Variants in MACROD2 observed in about 807,000 individuals in gnomAD.
The protein encoded by MACROD2 is mono-ADP ribosylhydrolase 2.
In MACROD2, 36 loss-of-function variants were observed where a neutral mutation model predicts 70.4. That is an observed-to-expected ratio of 0.51 (90% confidence interval 0.39 to 0.68). MACROD2 has a LOEUF of 0.68. Among genes scored for constraint, MACROD2 ranks in the 30% least tolerant of loss-of-function variants. MACROD2 has a pLI of 0.00. For synonymous variants in MACROD2, 172 were observed against 178.8 expected, an observed-to-expected ratio of 0.96 and a Z score of 0.30; for missense variants, 496 against 538.4, an observed-to-expected ratio of 0.92 and a Z score of 0.78.
At chr20:14,072,657 C>T (rs1476943766) in intron 2 of MACROD2, among the ~76,000 whole-genome samples, 2 of 152,030 alleles carry the variant, frequency 1.3e-5, no homozygotes, top group African/African-American at 4.8e-5. Flanking sequence ...GTAGATTGGC[C>T]AGGCGCAGTG....
chr20:14,783,301 C>A (rs563054441), intron 5 of MACROD2, among the ~76,000 whole-genome samples: 1 of 152,206 alleles, frequency 6.6e-6, no homozygotes, highest in South Asian at 2.1e-4. Context: ...TCAATTGCTG[C>A]CTTTCTCTTA....
intron 8 of MACROD2, among the ~76,000 whole-genome samples, chr20:15,601,781 C>A (rs1027739659): frequency 1.3e-5 from 2 of 152,286 alleles, no homozygotes; most frequent in African/African-American, 4.8e-5. Flanking sequence ...GTAATCTCAG[C>A]ACTTTGGGAG....
intron 8 of MACROD2, among the ~76,000 whole-genome samples, chr20:15,782,162 T>C (rs2147040078): frequency 6.6e-6 from 1 of 152,106 alleles, no homozygotes; most frequent in Admixed American, 6.5e-5. Context: ...GTGTTAGAGA[T>C]GAAGAAAAGA....
chr20:15,919,316 A>C (rs1185981452), intron 10 of MACROD2, among the ~76,000 whole-genome samples: 1 of 152,242 alleles, frequency 6.6e-6, no homozygotes, highest in East Asian at 1.9e-4. Context: ...GAGAGGAAAC[A>C]GATGTTCCTA....
At chr20:15,354,258 C>A (rs1376649640) in intron 6 of MACROD2, among the ~76,000 whole-genome samples, 1 of 151,976 alleles carries the variant, frequency 6.6e-6, no homozygotes, top group Non-Finnish European at 1.5e-5. Context: ...GGACAAAAAA[C>A]CAAACACCAC....
chr20:15,424,671 G>T (rs1357845961), intron 6 of MACROD2, among the ~76,000 whole-genome samples: 3 of 152,034 alleles, frequency 2.0e-5, no homozygotes, highest in African/African-American at 7.3e-5. Context: ...AGTATGATAG[G>T]ACTGCACCAC....
chr20:14,841,053 A>C (rs1431973336), intron 5 of MACROD2, among the ~76,000 whole-genome samples: 1 of 152,170 alleles, frequency 6.6e-6, no homozygotes, highest in Non-Finnish European at 1.5e-5. Context: ...GTAAAAAATA[A>C]CATATTTTAA....
At chr20:14,466,424 T>G (rs915619092) in intron 3 of MACROD2, among the ~76,000 whole-genome samples, 4 of 152,130 alleles carry the variant, frequency 2.6e-5, no homozygotes, top group African/African-American at 9.7e-5. Context: ...TTATTCTAGT[T>G]ATCCATTCGT....
intron 5 of MACROD2, among the ~76,000 whole-genome samples, chr20:14,739,385 C>T (rs967425905): frequency 4.6e-5 from 7 of 151,850 alleles, no homozygotes; most frequent in African/African-American, 1.7e-4. Flanking sequence ...TATTCATCTT[C>T]ACCTATATAC....
At chr20:15,877,991 A>G (rs12624950) in intron 9 of MACROD2, among the ~76,000 whole-genome samples, 2,268 of 152,132 alleles carry the variant, frequency 0.015, 39 homozygotes, top group African/African-American at 0.038. Flanking sequence ...AGGATGCCGT[A>G]ATAGCTCATA....
At chr20:14,176,161 C>G (rs1287743951) in intron 3 of MACROD2, among the ~76,000 whole-genome samples, 2 of 152,094 alleles carry the variant, frequency 1.3e-5, no homozygotes, top group Non-Finnish European at 2.9e-5. Flanking sequence ...TATTTTTCTT[C>G]CTGGTTTATT....
chr20:15,603,462 T>G lies in MACROD2; in HGVS notation c.645+103615T>G, dbSNP rs2048851205. Among the ~76,000 whole-genome samples the G allele has an allele frequency of 3.3e-5, 5 of 149,734 alleles. No individual in the cohort carries two copies. In the Admixed American group the frequency reaches 3.3e-4, roughly 10 times the overall value. On this transcript the variant is annotated intron_variant, in intron 8 of 17. Coordinates refer to ENST00000684519, the MANE Select transcript of MACROD2 (RefSeq NM_001351661.2). ...GGTGGAGGCTGCAGTGAGCCAAGAT[T>G]GTGCCACTTCACTCTAGCCTGGGTG...
At chr20:15,301,509 T>A (rs2077642116) in intron 6 of MACROD2, among the ~76,000 whole-genome samples, 1 of 152,070 alleles carries the variant, frequency 6.6e-6, no homozygotes, top group Non-Finnish European at 1.5e-5. Context: ...TTCCTTTGGT[T>A]TCTTGAATTT....
chr20:14,695,482 G>T (rs1470921977), intron 5 of MACROD2, among the ~76,000 whole-genome samples: 1 of 152,132 alleles, frequency 6.6e-6, no homozygotes, highest in South Asian at 2.1e-4. Flanking sequence ...TAAGTTCCAG[G>T]TATCAGGACA....
intron 3 of MACROD2, among the ~76,000 whole-genome samples, chr20:14,143,033 CTT>C (rs376418591): frequency 3.2e-3 from 489 of 152,206 alleles, no homozygotes; most frequent in East Asian, 0.011. Flanking sequence ...ATTAAGAAAA[CTT>C]TTCATGTCTT....
chr20:14,155,172 C>T (rs1198546715), intron 3 of MACROD2, among the ~76,000 whole-genome samples: 8 of 152,118 alleles, frequency 5.3e-5, no homozygotes, highest in Non-Finnish European at 1.0e-4. Context: ...ATATATAACT[C>T]ATATATACAT....
chr20:14,583,376 G>A (rs1177534995), intron 4 of MACROD2, among the ~76,000 whole-genome samples: 3 of 152,080 alleles, frequency 2.0e-5, no homozygotes, highest in Non-Finnish European at 4.4e-5. Context: ...CATTTAGGTG[G>A]GCAACCCTGG....
chr20:15,454,425 ACACACACACACACACACAC>A (rs1259841383), intron 7 of MACROD2, among the ~76,000 whole-genome samples: 4 of 72,718 alleles, frequency 5.5e-5, no homozygotes, highest in Non-Finnish European at 1.7e-4. Context: ...ACACACACAC[ACACACACACACACACACAC>A]ACACACACAC....
intron 5 of MACROD2, among the ~76,000 whole-genome samples, chr20:15,167,036 A>G (rs542669024): frequency 4.7e-4 from 72 of 151,900 alleles, no homozygotes; most frequent in Middle Eastern, 3.6e-3. Flanking sequence ...GAAAAATACT[A>G]AAATTATTCT....
Sources: gnomAD v4.1 joint callset for allele counts (sites outside exome capture counted in the v4.1 genomes callset) on GRCh38, gnomAD v4.1.1 for gene constraint, MANE v1.5 for transcripts, NCBI Gene and HGNC (gene_info 2026-07-23, HGNC 2026-07-21) for gene names.